GCFC2: variants seen among roughly 807,000 people sequenced by gnomAD.
GCFC2 encodes the protein GC-rich sequence DNA-binding factor 2, also known as intron Large complex component GCFC2.
A neutral mutation model predicts 99.4 loss-of-function variants in GCFC2; 102 were observed. That is an observed-to-expected ratio of 1.03 (90% CI 0.87 to 1.21). GCFC2 has a LOEUF of 1.21. GCFC2 is among the 50% of genes most tolerant of loss of function. GCFC2 has a pLI of 0.00. For missense variants in GCFC2, 973 were observed against 920.9 expected (o/e 1.06, Z -0.73); for synonymous variants, 338 against 316.8 (o/e 1.07, Z -0.71).
chr2:75,692,907 T>G (rs1680150571), intron 6 of GCFC2, among the ~76,000 whole-genome samples: 1 of 152,072 alleles, frequency 6.6e-6, no homozygotes, highest in African/African-American at 2.4e-5. Flanking sequence ...AAATTGAAAC[T>G]CTCATATTTT....
rs1237832119 is a variant in GCFC2 at position 75,673,335 on chromosome 2, A to G, written c.1889+109T>C. ...AAGAAAAAAAAAAAAGAAACACAAA[A>G]AACAAAACAAAAAATAAAACACTGT... On this transcript the variant is annotated intron_variant, in intron 13 of 16. Transcript: ENST00000321027. 7.5e-6 allele frequency: 5 copies of G among 669,450 alleles called. No individual in the cohort carries two copies. In the African/African-American group the frequency reaches 9.3e-5, roughly 12 times the overall value. 41.5% of individuals were successfully genotyped at this position (669,450 alleles called of 1,614,324 possible).
chr2:75,689,856 A>G (rs1257811253), intron 9 of GCFC2, 113 bp downstream of exon 9: 8 of 620,256 alleles, frequency 1.3e-5, no homozygotes, highest in Non-Finnish European at 2.3e-5. Context: ...ATTTTTCCTG[A>G]ATTTACCCAA....
upstream of GCFC2, chr2:75,711,236 T>C (rs138581656): frequency 5.2e-5 from 51 of 985,000 alleles, no homozygotes; most frequent in African/African-American, 8.0e-4. Flanking sequence ...GCCAGATCCG[T>C]TGTCTTTTAC....
intron 12 of GCFC2, among the ~76,000 whole-genome samples, chr2:75,674,035 A>G (rs1230199672): frequency 1.3e-5 from 2 of 152,054 alleles, no homozygotes; most frequent in Non-Finnish European, 2.9e-5. Context: ...AATGTTTGCA[A>G]TTATAGTGGG....
chr2:75,673,180 G>C (rs919211094), intron 13 of GCFC2, among the ~76,000 whole-genome samples: 2 of 152,080 alleles, frequency 1.3e-5, no homozygotes, highest in Admixed American at 6.5e-5. Flanking sequence ...CGTGGTGGCG[G>C]GCGCCTGTAG....
At chr2:75,674,764 A>C (rs1679267823) in intron 12 of GCFC2, among the ~76,000 whole-genome samples, 1 of 152,220 alleles carries the variant, frequency 6.6e-6, no homozygotes, top group Admixed American at 6.5e-5. Flanking sequence ...TGTAGAATTC[A>C]AATATATTTT....
intron 11 of GCFC2, among the ~76,000 whole-genome samples, chr2:75,686,911 G>C (rs1354992217): frequency 6.6e-6 from 1 of 151,454 alleles, no homozygotes; most frequent in Non-Finnish European, 1.5e-5. Flanking sequence ...ATAGCTGCTA[G>C]TGGCAAATGT....
intron 13 of GCFC2, among the ~76,000 whole-genome samples, chr2:75,672,670 G>A (rs1415370803): frequency 6.6e-6 from 1 of 152,110 alleles, no homozygotes; most frequent in Non-Finnish European, 1.5e-5. Context: ...ATTTACAGGT[G>A]CAGTTTCTCG....
rs1321956316 is a variant in GCFC2, at chr2:75,690,395, G to A, written c.1226+243C>T. 9.8e-6 allele frequency: 5 copies of A among 509,634 alleles called. No individual in the cohort carries two copies. The East Asian group carries it at 1.4e-4, about 14-fold the overall frequency. 31.6% of individuals were successfully genotyped at this position (509,634 alleles called of 1,614,324 possible). ...TAATTATAATTAGGACCGGTTTCTA[G>A]TTACAAGGAATTCCCAGCCTGATAA... is the stretch of plus-strand genomic sequence containing the variant. On this transcript the variant is annotated intron_variant, in intron 8 of 16. Coordinates refer to ENST00000321027, the MANE Select transcript of GCFC2 (RefSeq NM_003203.5).
At position 75,673,530 on chromosome 2, in the gene GCFC2, C is replaced by A. The variant is rs940979910; in HGVS notation, c.1813-10G>T. ...TGGATTTAAGTAAATCCTATTATTA[C>A]AAATTTGAAAAGCATCAGTGATAGA... On this transcript the variant is annotated splice_polypyrimidine_tract_variant and intron_variant, in intron 12 of 16. Transcript: ENST00000321027. The A allele has an allele frequency of 8.1e-6, 9 of 1,117,540 alleles. No homozygotes were observed. Among genetic ancestry groups the A allele is most frequent in the Non-Finnish European group, 1.2e-5 (9 of 732,930 alleles). 69.2% of individuals were successfully genotyped at this position (1,117,540 alleles called of 1,614,324 possible).
At chr2:75,672,305 ATTTAT>A (rs1679140605) in intron 13 of GCFC2, among the ~76,000 whole-genome samples, 2 of 129,726 alleles carry the variant, frequency 1.5e-5, no homozygotes, top group Non-Finnish European at 3.2e-5. Flanking sequence ...ATATTTATAT[ATTTAT>A]AAATATGTTT....
chr2:75,711,632 C>T (rs547045999), upstream of GCFC2, among the ~76,000 whole-genome samples: 419 of 152,352 alleles, frequency 2.8e-3, 7 homozygotes, highest in Non-Finnish European at 3.9e-3. Context: ...AGCTGGAGTT[C>T]CGGGTGGGCA....
At position 75,710,783 on chromosome 2, in the gene GCFC2, A is replaced by ACTCC. The variant is rs1366358594; in HGVS notation, c.69_72dup (p.Ser25GlyfsTer5). The ACTCC allele has an allele frequency of 3.2e-6, 5 of 1,574,256 alleles. 1 individual carries two copies. In the South Asian group the frequency reaches 3.5e-5, roughly 11 times the overall value. ...CTCGGCGCCCCAGGCTCAGCAGGCG[A>ACTCC]CTCCTCGGCGCCATCGCTGTCGCTG... On this transcript the variant is annotated frameshift_variant, in exon 1 of 17. Transcript: ENST00000321027. LOFTEE classifies it high-confidence loss of function.
rs188655342 is a variant in GCFC2, at chr2:75,693,400, A to G, written c.1020+841T>C. 3.4e-3 allele frequency among the ~76,000 whole-genome samples: 520 copies of G among 152,332 alleles called. 4 individuals are homozygous for G. Among genetic ancestry groups the G allele is most frequent in the African/African-American group, 0.011 (463 of 41,582 alleles). ...GGTTGCATTGAGCTGAGATCGTGCT[A>G]CTACAGTCCAGCCTGGGTGACAGAG... On this transcript the variant is annotated intron_variant, in intron 6 of 16. Coordinates refer to ENST00000321027, the MANE Select transcript of GCFC2 (RefSeq NM_003203.5).
At chr2:75,685,630 T>C (rs1406663013) in intron 11 of GCFC2, among the ~76,000 whole-genome samples, 1 of 152,134 alleles carries the variant, frequency 6.6e-6, no homozygotes, top group East Asian at 1.9e-4. Flanking sequence ...TTCAGGTCAC[T>C]TACCTTCTCT....
At chr2:75,675,973 T>C (rs547814576) in intron 12 of GCFC2, among the ~76,000 whole-genome samples, 108 of 152,230 alleles carry the variant, frequency 7.1e-4, no homozygotes, top group Non-Finnish European at 1.4e-3. Context: ...ACTTGTGTGA[T>C]GCCAATGGTT....
chr2:75,703,981 T>C (rs1573093032), intron 2 of GCFC2, among the ~76,000 whole-genome samples: 1 of 152,270 alleles, frequency 6.6e-6, no homozygotes, highest in Non-Finnish European at 1.5e-5. Context: ...AAGATATTAG[T>C]GCTACATAAA....
At chr2:75,689,925 T>C (rs1022734402) in intron 9 of GCFC2, 44 bp downstream of exon 9, 5 of 1,017,600 alleles carry the variant, frequency 4.9e-6, no homozygotes, top group Non-Finnish European at 6.0e-6. Context: ...TTTCTCACCA[T>C]TTCAAAACTC....
chr2:75,685,235 C>A (rs1451658685), intron 11 of GCFC2, among the ~76,000 whole-genome samples: 1 of 152,128 alleles, frequency 6.6e-6, no homozygotes, highest in Non-Finnish European at 1.5e-5. Flanking sequence ...TCCCCCTTAG[C>A]CCTACTTCCT....
Sources: gnomAD v4.1 joint callset for allele counts (sites outside exome capture counted in the v4.1 genomes callset) on GRCh38, gnomAD v4.1.1 for gene constraint, MANE v1.5 for transcripts, NCBI Gene and HGNC (gene_info 2026-07-23, HGNC 2026-07-21) for gene names.